QRICH2: variants seen among roughly 807,000 people sequenced by gnomAD.
The protein encoded by QRICH2 is glutamine rich 2, also known as glutamine-rich protein 2.
A neutral mutation model predicts 168.3 loss-of-function variants in QRICH2; 119 were observed. That is an observed-to-expected ratio of 0.71 (90% CI 0.61 to 0.82). The LOEUF is 0.82. Ranked by LOEUF, QRICH2 falls within the 40% of genes least tolerant of loss-of-function variation. QRICH2 has a pLI of 0.00. For missense variants in QRICH2, 2,241 were observed against 2,491.6 expected, an observed-to-expected ratio of 0.90 and a Z score of 2.14; for synonymous variants, 894 against 951.2, an observed-to-expected ratio of 0.94 and a Z score of 1.11.
rs747795649 is a variant in QRICH2 at position 76,280,053 on chromosome 17, G to A, written c.4728C>T (p.Asp1576=). 5.6e-6 allele frequency: 9 copies of A among 1,612,736 alleles called. No individual in the cohort carries two copies. The highest frequency in any genetic ancestry group is 3.3e-5 in the Admixed American group (2 of 59,886). The stretch of plus-strand genomic sequence containing the variant: ...CTCACCTCCGCATGGCAGCCGCCTC[G>A]TCTGCCTGGTAGAGTGGGGGGCGCT... ...LRERPPLYQA[D]EAAAMRRQLL... is the part of the protein sequence containing the mutation. Residue 1576 remains aspartate (D), a synonymous_variant, in exon 12 of 19, where the codon GAC becomes GAT. Coordinates refer to ENST00000680821, the MANE Select transcript of QRICH2 (RefSeq NM_001388453.1). This position sits in a 1 kb window ranked among gnomAD's most constrained non-coding sequence, Gnocchi z 7.4.
chr17:76,275,989 G>A (rs2070671295), intron 17 of QRICH2, 42 bp from the exon 18 acceptor site: 18 of 1,594,092 alleles, frequency 1.1e-5, no homozygotes, highest in Non-Finnish European at 1.5e-5. Context: ...TGAGGCAGCG[G>A]TGAGAGCTCT....
At chr17:76,302,687 C>T (rs62086316) in intron 3 of QRICH2, among the ~76,000 whole-genome samples, 11,808 of 152,164 alleles carry the variant, frequency 0.078, 610 homozygotes, top group Non-Finnish European at 0.12. Context: ...GCCCTGCCAA[C>T]ACCTTGACTT....
At position 76,291,009 on chromosome 17, in the gene QRICH2, AC is replaced by A; in HGVS notation, c.3712+5del. On this transcript the variant is annotated splice_donor_5th_base_variant and intron_variant, in intron 4 of 18. Coordinates refer to ENST00000680821, the MANE Select transcript of QRICH2 (RefSeq NM_001388453.1). ...GGTTTCTCCTCTATCGGCAAGCGGC[AC>A]CCACCCATCTGTGCCAGCAGGAACT... 6.2e-7 allele frequency: 1 copy of A among 1,607,398 alleles called. No individual in the cohort carries two copies. Among genetic ancestry groups the A allele is most frequent in the Non-Finnish European group, 8.5e-7 (1 of 1,174,778 alleles).
At chr17:76,304,091 A>G (rs2070950315) in intron 3 of QRICH2, among the ~76,000 whole-genome samples, 1 of 152,192 alleles carries the variant, frequency 6.6e-6, no homozygotes, top group Admixed American at 6.5e-5. Context: ...AAAATTGGGT[A>G]CCAACCATAC....
At chr17:76,306,698 C>T (rs894013477) in intron 1 of QRICH2, among the ~76,000 whole-genome samples, 1 of 152,126 alleles carries the variant, frequency 6.6e-6, no homozygotes, top group African/African-American at 2.4e-5. Context: ...ACCAGCCCCG[C>T]CAACATGGTG....
At chr17:76,276,646 G>C in intron 17 of QRICH2, 34 bp downstream of exon 17, 1 of 1,558,770 alleles carries the variant, frequency 6.4e-7, no homozygotes, top group Non-Finnish European at 8.8e-7. Context: ...TGGGACCCAC[G>C]TGAGGTGCCT....
chr17:76,292,011 C>T lies in QRICH2; in HGVS notation c.2716G>A (p.Ala906Thr). Residue 906 changes from alanine (A) to threonine (T), a missense_variant, in exon 4 of 19, where the codon GCA (alanine) becomes ACA (threonine). Ala to Thr is a moderately conservative substitution (Grantham distance 58, BLOSUM62 0). Around this residue, in one of 3 missense-constraint regions of QRICH2, gnomAD observed 2,047 missense variants for 2,303.8 expected, o/e 0.89. Coordinates refer to ENST00000680821, the MANE Select transcript of QRICH2 (RefSeq NM_001388453.1). ...ADQPGLVQPGAGQLGMVQPGI... is the reference protein window; with the variant it reads ...ADQPGLVQPGTGQLGMVQPGI... ...GGCTGCACCATACCCAGCTGACCTG[C>T]ACCAGGCTGGACCAAACCAGGCTGA... 1 of 1,614,244 alleles carries T rather than the reference C, an allele frequency of 6.2e-7. No homozygotes were observed. Among genetic ancestry groups the T allele is most frequent in the Non-Finnish European group, 8.5e-7 (1 of 1,180,034 alleles).
At chr17:76,289,930 G>A (rs1247282413) in intron 5 of QRICH2, 62 bp downstream of exon 5, 12 of 1,192,398 alleles carry the variant, frequency 1.0e-5, no homozygotes, top group African/African-American at 6.4e-5. Flanking sequence ...CAGCCAGGGC[G>A]ACAAGAGCAA....
In QRICH2 at chr17:76,293,794, C is replaced by T. The variant is rs6501882; in HGVS notation, c.933G>A (p.Gly311=). ...CACGGGCCCTCGGCTGCTGCTGTCT[C>T]CCAGTACCAGAGGGGACCTTGCTTT... ...REQSKVPSGT[G]RQQQPRARDE... The change falls in exon 4 of 19, where the codon GGG becomes GGA. Residue 311 remains glycine, a synonymous_variant. Coordinates refer to ENST00000680821, the MANE Select transcript of QRICH2 (RefSeq NM_001388453.1). The T allele has an allele frequency of 0.32, 514,884 of 1,613,242 alleles. 89,924 individuals are homozygous for T. Among genetic ancestry groups the T allele is most frequent in the African/African-American group, 0.66 (49,602 of 74,904 alleles).
rs1164359158 is a variant in QRICH2, at chr17:76,291,270, T to G, written c.3457A>C (p.Thr1153Pro). The G allele has an allele frequency of 6.2e-7, 1 of 1,614,044 alleles. No homozygotes were observed. Among genetic ancestry groups the G allele is most frequent in the East Asian group, 2.2e-5 (1 of 44,880 alleles). ...ACGGAGTCTGGACTCCTGAAAAGAG[T>G]GACATCTTGGCCTGGGGCCTTCTGG... ...PAQKAPGQDV[T>P]LFRSPDSVDR... Residue 1153 changes from threonine (T) to proline (P), a missense_variant, in exon 4 of 19, where the codon ACT becomes CCT. Transcript: ENST00000680821.
At chr17:76,286,055 G>T (rs1044293113) in intron 7 of QRICH2, among the ~76,000 whole-genome samples, 2 of 151,086 alleles carry the variant, frequency 1.3e-5, no homozygotes, top group Non-Finnish European at 3.0e-5. Flanking sequence ...GGTGCCTGTA[G>T]TCCCAGCTAC....
chr17:76,300,550 A>G (rs1018707109), intron 3 of QRICH2, among the ~76,000 whole-genome samples: 4 of 152,088 alleles, frequency 2.6e-5, no homozygotes, highest in African/African-American at 9.7e-5. Flanking sequence ...AGATTTTGAA[A>G]CTGGGTGTTA....
rs766442429 is a variant in QRICH2, at chr17:76,293,152, C to G, written c.1575G>C (p.Leu525=). The change falls in exon 4 of 19, where the codon CTG becomes CTC. Residue 525 remains leucine, a synonymous_variant. Coordinates refer to ENST00000680821, the MANE Select transcript of QRICH2 (RefSeq NM_001388453.1). ...CATGCTGGTCTGTAAAAGGTAGAAC[C>G]AGGCCATGTTGATCGACGACAGGCA... is the stretch of plus-strand genomic sequence containing the variant. ...LTLPVVDQHG[L]VLPFTDQHGL... is the part of the protein sequence containing the mutation. 1 of 1,614,236 alleles carries G rather than the reference C, an allele frequency of 6.2e-7. No homozygotes were observed. The highest frequency in any genetic ancestry group is 8.5e-7 in the Non-Finnish European group (1 of 1,180,040).
At chr17:76,309,213 G>A (rs185500956), upstream of QRICH2, among the ~76,000 whole-genome samples, 322 of 150,514 alleles carry the variant, frequency 2.1e-3, no homozygotes, top group African/African-American at 7.1e-3. Context: ...AAAATTAGCC[G>A]GGCATGGTAC....
At chr17:76,294,383 T>C (rs1347930059) in intron 3 of QRICH2, among the ~76,000 whole-genome samples, 2 of 152,042 alleles carry the variant, frequency 1.3e-5, no homozygotes, top group East Asian at 3.9e-4. Context: ...TGTGCCATTG[T>C]GCTCCAGCCT....
At chr17:76,274,895 C>G (rs892851641) in intron 18 of QRICH2, among the ~76,000 whole-genome samples, 2 of 152,184 alleles carry the variant, frequency 1.3e-5, no homozygotes, top group Non-Finnish European at 2.9e-5. Flanking sequence ...AGTGCTGGTA[C>G]ATAGATTGAA....
intron 3 of QRICH2, among the ~76,000 whole-genome samples, chr17:76,299,560 A>G (rs566456491): frequency 1.3e-5 from 2 of 152,024 alleles, no homozygotes; most frequent in African/African-American, 4.8e-5. Context: ...AACATGGTGA[A>G]ACCCTGTCCC....
At chr17:76,276,902 C>T (rs889740282) in intron 16 of QRICH2, 135 bp from the exon 17 acceptor site, 10 of 754,902 alleles carry the variant, frequency 1.3e-5, no homozygotes, top group Middle Eastern at 4.8e-4. Context: ...TAGGGTGGAG[C>T]GAGAAGGTGG....
intron 17 of QRICH2, 123 bp downstream of exon 17, chr17:76,276,557 T>G: frequency 1.5e-6 from 1 of 662,148 alleles, no homozygotes; most frequent in South Asian, 1.8e-5. Flanking sequence ...ACATTTGGAG[T>G]GAGGGGAATG....
Sources: gnomAD v4.1 joint callset for allele counts (sites outside exome capture counted in the v4.1 genomes callset) on GRCh38, gnomAD v4.1.1 for gene constraint, gnomAD v4.1.1 regional missense constraint, Gnocchi (gnomAD v3.1) non-coding constraint, MANE v1.5 for transcripts, NCBI Gene and HGNC (gene_info 2026-07-23, HGNC 2026-07-21) for gene names.